HHAT: variants seen among roughly 807,000 people sequenced by gnomAD.
HHAT encodes protein-cysteine N-palmitoyltransferase HHAT.
HHAT carries 47 observed loss-of-function variants against 70.8 expected under a neutral mutation model. The observed-to-expected ratio is 0.66, with a 90% CI of 0.53 to 0.85. The LOEUF (loss-of-function observed/expected upper bound fraction) is 0.85. HHAT is among the 40% of genes least tolerant of loss of function. The probability of loss-of-function intolerance (pLI) is 0.00; values close to 1 mark genes in which losing one functional copy is unlikely to be tolerated. For missense variants in HHAT, 609 were observed against 604.8 expected, an observed-to-expected ratio of 1.01 and a Z score of -0.07; for synonymous variants, 228 against 247.6, an observed-to-expected ratio of 0.92 and a Z score of 0.74.
chr1:210,605,256 G>A (rs144213454), intron 10 of HHAT, among the ~76,000 whole-genome samples: 95 of 152,314 alleles, frequency 6.2e-4, no homozygotes, highest in African/African-American at 2.2e-3. Context: ...ACTGGGGAAG[G>A]TAAATAATTT....
chr1:210,331,231 C>A (rs1357343660), intron 1 of HHAT, among the ~76,000 whole-genome samples: 4 of 151,204 alleles, frequency 2.6e-5, no homozygotes, highest in Non-Finnish European at 5.9e-5. Flanking sequence ...TGTTTTTCTG[C>A]AACTAGGCAG....
intron 9 of HHAT, among the ~76,000 whole-genome samples, chr1:210,556,145 A>G (rs1240044355): frequency 6.6e-6 from 1 of 151,950 alleles, no homozygotes; most frequent in East Asian, 1.9e-4. Flanking sequence ...TTTCTCGTCT[A>G]GTCTCCAGCA....
In HHAT at chr1:210,362,952, T is replaced by C. The variant is rs772843154; in HGVS notation, c.159+33T>C. 2.0e-6 allele frequency: 3 copies of C among 1,472,988 alleles called. No individual in the cohort carries two copies. In the East Asian group the frequency reaches 6.8e-5, roughly 33 times the overall value. 91.2% of individuals were successfully genotyped at this position (1,472,988 alleles called of 1,614,324 possible). ...GTGGATGCATAATAAATCTCAGTTT[T>C]CAAACCTGATTTCAATATTTCACAT... is the stretch of plus-strand genomic sequence containing the variant. On this transcript the variant is annotated intron_variant, in intron 3 of 11. Coordinates refer to ENST00000261458, the MANE Select transcript of HHAT (RefSeq NM_018194.6).
chr1:210,417,910 T>C (rs2092772535), intron 6 of HHAT, among the ~76,000 whole-genome samples: 1 of 152,118 alleles, frequency 6.6e-6, no homozygotes, highest in Admixed American at 6.5e-5. Context: ...AGAACGTGTC[T>C]TTGGCTCTTG....
chr1:210,529,611 C>A (rs2148629834), intron 9 of HHAT, among the ~76,000 whole-genome samples: 1 of 152,266 alleles, frequency 6.6e-6, no homozygotes, highest in South Asian at 2.1e-4. Context: ...TATCCCAGGC[C>A]CAGCTTCTCA....
intron 1 of HHAT, among the ~76,000 whole-genome samples, chr1:210,344,550 G>T (rs967832639): frequency 6.6e-6 from 1 of 152,098 alleles, no homozygotes; most frequent in Non-Finnish European, 1.5e-5. Context: ...CAAGGCAGGG[G>T]GCTCTGAATC....
intron 8 of HHAT, among the ~76,000 whole-genome samples, chr1:210,511,876 G>A (rs1277187735): frequency 1.5e-5 from 2 of 132,772 alleles, no homozygotes; most frequent in Non-Finnish European, 3.1e-5. Flanking sequence ...TGAAAGCTCC[G>A]CCTCCTGGGT....
At chr1:210,627,808 G>A (rs963185758) in intron 11 of HHAT, among the ~76,000 whole-genome samples, 4 of 152,036 alleles carry the variant, frequency 2.6e-5, no homozygotes, top group African/African-American at 9.7e-5. Context: ...CATATCTAGG[G>A]CTCACAAACT....
At position 210,540,502 on chromosome 1, in the gene HHAT, T is replaced by C. The variant is rs553317560; in HGVS notation, c.1043+27314T>C. ...ACATGCACACACACGCACACACACATGCACACACACACAAACACACGCTCT... is the reference window on the plus strand; with the variant it reads ...ACATGCACACACACGCACACACACACGCACACACACACAAACACACGCTCT... On this transcript the variant is annotated intron_variant, in intron 9 of 11. Coordinates refer to ENST00000261458, the MANE Select transcript of HHAT (RefSeq NM_018194.6). 3.9e-5 allele frequency among the ~76,000 whole-genome samples: 5 copies of C among 127,634 alleles called. No individual in the cohort carries two copies. In the South Asian group the frequency reaches 1.5e-3, roughly 38 times the overall value. The allele number at this position is 127,634 out of a possible 152,430, so 83.7% of individuals were successfully genotyped here.
chr1:210,442,536 T>C lies in HHAT; in HGVS notation c.857-21969T>C, dbSNP rs1016883282. ...TGTTGTTTCCTGACTTTTTAATGATTGCCATTCTAACTGGTGTGAGATGGT... is the reference window on the plus strand; with the variant it reads ...TGTTGTTTCCTGACTTTTTAATGATCGCCATTCTAACTGGTGTGAGATGGT... On this transcript the variant is annotated intron_variant, in intron 7 of 11. Transcript: ENST00000261458. Among the ~76,000 whole-genome samples the C allele has an allele frequency of 1.9e-3, 283 of 151,358 alleles. 3 individuals carry two copies. Among genetic ancestry groups the C allele is most frequent in the African/African-American group, 6.6e-3 (273 of 41,232 alleles).
intron 7 of HHAT, among the ~76,000 whole-genome samples, chr1:210,448,281 T>C (rs2012738): frequency 0.58 from 87,892 of 151,594 alleles, 25,740 homozygotes; most frequent in South Asian, 0.68. Context: ...GGGGTTTCAC[T>C]ATGTTGGCCA....
chr1:210,589,842 C>G (rs1246231667), intron 10 of HHAT: 1 of 152,226 alleles, frequency 6.6e-6, no homozygotes, highest in South Asian at 2.1e-4. Flanking sequence ...CTCACTCATT[C>G]ACCTCACTTG....
chr1:210,654,139 G>A (rs950300054), intron 11 of HHAT, among the ~76,000 whole-genome samples: 3 of 18,318 alleles, frequency 1.6e-4, no homozygotes, highest in South Asian at 1.5e-3. Context: ...ATAGTGTGAT[G>A]GGAATAGTGT....
chr1:210,388,862 C>T (rs1342827232), intron 4 of HHAT, among the ~76,000 whole-genome samples: 7 of 152,142 alleles, frequency 4.6e-5, no homozygotes, highest in South Asian at 2.1e-4. Context: ...TCAGTTTTCC[C>T]GTATGTAAAA....
intron 10 of HHAT, among the ~76,000 whole-genome samples, chr1:210,614,429 T>C (rs1357399395): frequency 1.3e-5 from 2 of 152,184 alleles, no homozygotes; most frequent in East Asian, 1.9e-4. Context: ...ATATTTATTA[T>C]ACTTTACATT....
chr1:210,355,778 TCTG>T, intron 2 of HHAT, among the ~76,000 whole-genome samples: 1 of 152,334 alleles, frequency 6.6e-6, no homozygotes, highest in South Asian at 2.1e-4. Context: ...TGCATCAGTG[TCTG>T]ATGTTATTCA....
intron 10 of HHAT, 32 bp downstream of exon 10, chr1:210,588,131 A>G (rs778285322): frequency 1.3e-6 from 2 of 1,530,672 alleles, no homozygotes; most frequent in Admixed American, 1.9e-5. Context: ...GTGTTAGGGG[A>G]CAGTGGAACT....
chr1:210,624,586 G>A lies in HHAT; in HGVS notation c.1390+916G>A, dbSNP rs564176931. Among the ~76,000 whole-genome samples, 147 of 152,296 alleles carry A rather than the reference G, an allele frequency of 9.7e-4. 1 individual carries two copies. Among genetic ancestry groups the A allele is most frequent in the Middle Eastern group, 6.8e-3 (2 of 294 alleles). ...TGTGAATACTAGGGGCCAACCTTAT[G>A]TTTAATGTGCATTAAATAGATAATC... On this transcript the variant is annotated intron_variant, in intron 11 of 11. Coordinates refer to ENST00000261458, the MANE Select transcript of HHAT (RefSeq NM_018194.6).
At chr1:210,532,950 C>G (rs758379927) in intron 9 of HHAT, among the ~76,000 whole-genome samples, 4 of 152,208 alleles carry the variant, frequency 2.6e-5, no homozygotes, top group African/African-American at 4.8e-5. Flanking sequence ...GGTTCATATT[C>G]TATTTACTGA....
Sources: allele counts gnomAD v4.1 joint callset (sites outside exome capture counted in the v4.1 genomes callset), GRCh38; gene constraint gnomAD v4.1.1; transcripts MANE v1.5; gene names NCBI Gene and HGNC (gene_info 2026-07-23, HGNC 2026-07-21).